LRRC4C: variants seen among roughly 807,000 people sequenced by gnomAD.
LRRC4C encodes the protein leucine rich repeat containing 4C.
Under a neutral mutation model 33.6 loss-of-function variants are expected in LRRC4C, and 5 were observed. The observed-to-expected ratio is 0.15, with a 90% confidence interval of 0.08 to 0.31. The LOEUF (loss-of-function observed/expected upper bound fraction) is 0.31, where lower values mean the gene tolerates loss of function less well. Among genes scored for constraint, LRRC4C ranks in the 10% least tolerant of loss-of-function variants. The probability of loss-of-function intolerance (pLI) is 1.00; values close to 1 mark genes in which losing one functional copy is unlikely to be tolerated. For synonymous variants in LRRC4C, 329 were observed against 302.0 expected, an observed-to-expected ratio of 1.09 and a Z score of -0.93; for missense variants, 560 against 796.7, an observed-to-expected ratio of 0.70 and a Z score of 3.58.
At chr11:40,523,594 TGTAATCTATTATATATAATAGA>T (rs147676400) in intron 3 of LRRC4C, among the ~76,000 whole-genome samples, 50,124 of 148,688 alleles carry the variant, frequency 0.34, 10,197 homozygotes, top group East Asian at 0.65. Flanking sequence ...ATATATAATA[TGTAATCTATTATATATAATAGA>T]GTATTCTATT....
chr11:40,460,744 C>T (rs1215408614), intron 3 of LRRC4C, among the ~76,000 whole-genome samples: 1 of 152,106 alleles, frequency 6.6e-6, no homozygotes, highest in Non-Finnish European at 1.5e-5. Flanking sequence ...AAGACAGGGG[C>T]TTTGCCTTTT....
At chr11:40,968,168 A>T (rs1231166780) in intron 1 of LRRC4C, among the ~76,000 whole-genome samples, 1 of 152,128 alleles carries the variant, frequency 6.6e-6, no homozygotes, top group Non-Finnish European at 1.5e-5. Context: ...TAGATGGAAG[A>T]TTAAACCCAG....
chr11:41,385,416 A>G (rs989693667), intron 1 of LRRC4C, among the ~76,000 whole-genome samples: 4 of 151,668 alleles, frequency 2.6e-5, no homozygotes, highest in African/African-American at 9.7e-5. Flanking sequence ...TTGGTGTGAT[A>G]CAGAGTATAA....
chr11:41,341,076 G>T lies in LRRC4C; in HGVS notation c.-496+118355C>A, dbSNP rs1285859696. Among the ~76,000 whole-genome samples, 3 of 151,508 alleles carry T rather than the reference G, an allele frequency of 2.0e-5. No homozygotes were observed. In the East Asian group the frequency reaches 5.8e-4, roughly 29 times the overall value. On this transcript the variant is annotated intron_variant, in intron 1 of 6. Transcript: ENST00000528697. ...GAAAAGGTTAGCAAACAAAGTAAAA[G>T]AAGCAGCTTTACCTATATGTGAAAG...
intron 1 of LRRC4C, among the ~76,000 whole-genome samples, chr11:41,330,188 G>C (rs1473904615): frequency 6.6e-6 from 1 of 152,100 alleles, no homozygotes; most frequent in Non-Finnish European, 1.5e-5. Context: ...AGAGGGAAGA[G>C]CTTCTTACTA....
intron 1 of LRRC4C, among the ~76,000 whole-genome samples, chr11:41,447,907 T>C (rs988145352): frequency 1.3e-5 from 2 of 152,120 alleles, no homozygotes; most frequent in Non-Finnish European, 2.9e-5. Flanking sequence ...AGAGGTACAT[T>C]TGTGGGTGTT....
intron 2 of LRRC4C, among the ~76,000 whole-genome samples, chr11:40,816,546 T>A (rs1007662431): frequency 1.3e-5 from 2 of 152,226 alleles, no homozygotes; most frequent in South Asian, 4.1e-4. Flanking sequence ...CCTTGATTCA[T>A]TTATAATGCA....
At chr11:40,767,790 C>T (rs7109565) in intron 2 of LRRC4C, among the ~76,000 whole-genome samples, 2,831 of 151,672 alleles carry the variant, frequency 0.019, 92 homozygotes, top group African/African-American at 0.064. Flanking sequence ...GAAAATGCAA[C>T]ATACCAAAAT....
At chr11:40,827,955 A>C (rs1468580650) in intron 2 of LRRC4C, among the ~76,000 whole-genome samples, 2 of 151,740 alleles carry the variant, frequency 1.3e-5, no homozygotes, top group Non-Finnish European at 1.5e-5. Flanking sequence ...AAACAATTAC[A>C]ATATCTTTAT....
chr11:40,358,666 C>T (rs769815180), intron 3 of LRRC4C, among the ~76,000 whole-genome samples: 32 of 152,234 alleles, frequency 2.1e-4, no homozygotes, highest in Admixed American at 6.5e-4. Flanking sequence ...AGGTTTGTCT[C>T]TTTGTGTGCT....
At chr11:40,319,250 G>A (rs971192615) in intron 4 of LRRC4C, among the ~76,000 whole-genome samples, 4 of 151,910 alleles carry the variant, frequency 2.6e-5, no homozygotes, top group Non-Finnish European at 5.9e-5. Context: ...GCAAGATTTC[G>A]TCAATCACAG....
intron 3 of LRRC4C, among the ~76,000 whole-genome samples, chr11:40,525,799 AC>A (rs1402179589): frequency 6.6e-6 from 1 of 152,172 alleles, no homozygotes; most frequent in Non-Finnish European, 1.5e-5. Context: ...AATAAAGAAA[AC>A]AAAACTGTAG....
Position 40,736,494 on chromosome 11 carries a change from A to T in LRRC4C, c.-406-88216T>A, listed in dbSNP as rs61887982. Among the ~76,000 whole-genome samples the T allele has an allele frequency of 2.6e-5, 4 of 152,040 alleles. 1 individual carries two copies. The East Asian group carries it at 5.8e-4, about 22-fold the overall frequency. On this transcript the variant is annotated intron_variant, in intron 2 of 6. Coordinates refer to ENST00000528697, the MANE Select transcript of LRRC4C (RefSeq NM_001258419.2). Reference sequence around the variant, plus strand: ...AACATACGTGTGCATGTGTTTTTGCAGTAGAATTATTTATAATCCTTTGGG... The same window carrying T: ...AACATACGTGTGCATGTGTTTTTGCTGTAGAATTATTTATAATCCTTTGGG...
intron 2 of LRRC4C, among the ~76,000 whole-genome samples, chr11:40,826,976 C>T (rs1486574974): frequency 1.3e-5 from 2 of 151,906 alleles, no homozygotes; most frequent in Non-Finnish European, 2.9e-5. Context: ...CTACAAATTC[C>T]GTTCTCCTAA....
rs190067292 is a variant in LRRC4C at position 40,816,549 on chromosome 11, A to G, written c.-407+117086T>C. ...ACTGGCTTCACACCTTGATTCATTT[A>G]TAATGCATGTGTTAATAAGATAGTT... On this transcript the variant is annotated intron_variant, in intron 2 of 6. Coordinates refer to ENST00000528697, the MANE Select transcript of LRRC4C (RefSeq NM_001258419.2). 1.6e-4 allele frequency among the ~76,000 whole-genome samples: 24 copies of G among 152,320 alleles called. No homozygotes were observed. The East Asian group carries it at 4.1e-3, about 26-fold the overall frequency.
intron 1 of LRRC4C, among the ~76,000 whole-genome samples, chr11:40,982,169 T>C (rs1238718004): frequency 3.9e-5 from 6 of 152,318 alleles, no homozygotes; most frequent in East Asian, 1.9e-4. Context: ...CAGATGTAGA[T>C]TGTAGAGACA....
chr11:41,422,609 G>A (rs11823074), intron 1 of LRRC4C, among the ~76,000 whole-genome samples: 11,862 of 151,860 alleles, frequency 0.078, 1,542 homozygotes, highest in African/African-American at 0.27. Flanking sequence ...ACCCTAGAAC[G>A]ACTCCACCCC....
chr11:41,057,996 G>A (rs189946388), intron 1 of LRRC4C, among the ~76,000 whole-genome samples: 6 of 152,304 alleles, frequency 3.9e-5, no homozygotes, highest in Admixed American at 3.9e-4. Flanking sequence ...CCTTCATCTT[G>A]CTCACCCTCT....
At chr11:40,770,388 C>T (rs192521889) in intron 2 of LRRC4C, among the ~76,000 whole-genome samples, 10 of 152,252 alleles carry the variant, frequency 6.6e-5, no homozygotes, top group African/African-American at 2.4e-4. Flanking sequence ...AATCACCACC[C>T]ACAAGGTCTC....
Sources: gnomAD v4.1 joint callset for allele counts (sites outside exome capture counted in the v4.1 genomes callset) on GRCh38, gnomAD v4.1.1 for gene constraint, MANE v1.5 for transcripts, NCBI Gene and HGNC (gene_info 2026-07-23, HGNC 2026-07-21) for gene names.